The following EDDM13 variants were observed in gnomAD, a reference collection of about 807,000 sequenced individuals.
EDDM13 encodes the protein epididymal protein 13.
In EDDM13, 24 loss-of-function variants were observed where a neutral mutation model predicts 17.8. That is an observed-to-expected ratio of 1.35 (90% CI 0.98 to 1.90). The LOEUF is 1.90. Among genes scored for constraint, EDDM13 ranks in the 40% most tolerant of loss-of-function variants. The pLI is 0.00. For missense variants in EDDM13, 97 were observed against 100.8 expected (o/e 0.96, Z 0.16); for synonymous variants, 31 against 37.5 (o/e 0.83, Z 0.63).
intron 5 of EDDM13, among the ~76,000 whole-genome samples, 196 bp downstream of exon 5, chr19:56,284,402 TGG>T (rs1194234561): frequency 6.6e-6 from 1 of 152,044 alleles, no homozygotes; most frequent in East Asian, 1.9e-4. Context: ...GCTTGGGTGA[TGG>T]GAGCCCAGAA....
At chr19:56,276,171 G>C (rs140000620) in intron 2 of EDDM13, among the ~76,000 whole-genome samples, 62 bp downstream of exon 2, 1 of 152,212 alleles carries the variant, frequency 6.6e-6, no homozygotes, top group Middle Eastern at 3.4e-3. Flanking sequence ...AATTCTTTTC[G>C]ATCTTGCAAC....
chr19:56,296,456 T>A (rs1010309201), intron 11 of EDDM13, 94 bp downstream of exon 11: 4 of 152,056 alleles, frequency 2.6e-5, no homozygotes, highest in Non-Finnish European at 4.4e-5. Flanking sequence ...TTAAATATCA[T>A]CAGACCCTAC....
At position 56,288,451 on chromosome 19, in the gene EDDM13, C is replaced by G. The variant is rs1219960203; in HGVS notation, c.208+13C>G. 6.6e-6 allele frequency among the ~76,000 whole-genome samples: 1 copy of G among 152,220 alleles called. No individual in the cohort carries two copies. Among genetic ancestry groups the G allele is most frequent in the African/African-American group, 2.4e-5 (1 of 41,446 alleles). On this transcript the variant is annotated intron_variant, in intron 7 of 14. Coordinates refer to ENST00000649256, the MANE Select transcript of EDDM13 (RefSeq NM_001354658.2). ...GTGTCCCCGCAAGGTTAGCAACCAT[C>G]ACCCCCTTATAGGTTCCCATGGAAC...
At chr19:56,285,881 G>C (rs1420159230) in intron 6 of EDDM13, among the ~76,000 whole-genome samples, 1 of 152,128 alleles carries the variant, frequency 6.6e-6, no homozygotes, top group Non-Finnish European at 1.5e-5. Context: ...TATCTGTTAA[G>C]TTCCTAAAAG....
intron 12 of EDDM13, among the ~76,000 whole-genome samples, chr19:56,299,666 C>T (rs531676987): frequency 6.6e-6 from 1 of 152,340 alleles, no homozygotes; most frequent in East Asian, 1.9e-4. Context: ...AACCTATGAA[C>T]AGCCTCCTGC....
Position 56,304,779 on chromosome 19 carries a change from T to G in EDDM13, c.424-14T>G. On this transcript the variant is annotated splice_polypyrimidine_tract_variant and intron_variant, in intron 13 of 14. Coordinates refer to ENST00000649256, the MANE Select transcript of EDDM13 (RefSeq NM_001354658.2). ...GTTTCTTTCTCTGTTCCCAGTTCACTTTTTCCTCCCAAGTGTTACTGCCAC... is the reference window on the plus strand; with the variant it reads ...GTTTCTTTCTCTGTTCCCAGTTCACGTTTTCCTCCCAAGTGTTACTGCCAC... 1.0e-6 allele frequency: 1 copy of G among 985,200 alleles called. No individual in the cohort carries two copies. Among genetic ancestry groups the G allele is most frequent in the Non-Finnish European group, 1.2e-6 (1 of 829,714 alleles). The allele number at this position is 985,200 out of a possible 1,614,324, so 61.0% of individuals were successfully genotyped here. A position where few individuals can be genotyped will look rare whatever the true frequency, so the allele number is the denominator to read the frequency against.
chr19:56,284,569 C>T (rs998298150), intron 5 of EDDM13, among the ~76,000 whole-genome samples: 1 of 138,992 alleles, frequency 7.2e-6, no homozygotes, highest in East Asian at 2.1e-4. Flanking sequence ...GGCTGGAGTG[C>T]AGTGGCACAA....
intron 2 of EDDM13, among the ~76,000 whole-genome samples, chr19:56,277,236 T>C (rs1202280524): frequency 6.6e-6 from 1 of 152,158 alleles, no homozygotes. Context: ...CATGCACAAA[T>C]GTTCACAGCA....
At chr19:56,302,761 T>TAA (rs2040430000) in intron 13 of EDDM13, 1 of 334,988 alleles carries the variant, frequency 3.0e-6, no homozygotes, top group Non-Finnish European at 5.4e-6. Context: ...CCTTCTGCAC[T>TAA]AACACAGCCC....
At chr19:56,289,269 G>T (rs1047612492) in intron 8 of EDDM13, among the ~76,000 whole-genome samples, 6 of 152,178 alleles carry the variant, frequency 3.9e-5, no homozygotes, top group African/African-American at 1.4e-4. Flanking sequence ...CTCACTAAGT[G>T]TAAGCTATGT....
intron 13 of EDDM13, among the ~76,000 whole-genome samples, chr19:56,302,581 CCCTTT>C (rs2040381803): frequency 2.2e-4 from 9 of 40,012 alleles, no homozygotes; most frequent in Non-Finnish European, 3.3e-4. Flanking sequence ...TTCTTCCTCC[CCCTTT>C]TCTTCCTCTC....
chr19:56,301,828 G>C (rs898702486), intron 12 of EDDM13, 140 bp from the exon 13 acceptor site: 2 of 958,172 alleles, frequency 2.1e-6, no homozygotes, highest in Admixed American at 4.3e-5. Flanking sequence ...CAGTGATGGT[G>C]GGTGTGGACC....
intron 4 of EDDM13, chr19:56,283,106 G>A (rs1357858364): frequency 6.6e-6 from 1 of 152,168 alleles, no homozygotes; most frequent in Non-Finnish European, 1.5e-5. Flanking sequence ...TCACCTCTCT[G>A]TGCCTACTTT....
At chr19:56,287,986 G>A (rs1303564743) in intron 6 of EDDM13, among the ~76,000 whole-genome samples, 1 of 152,210 alleles carries the variant, frequency 6.6e-6, no homozygotes. Flanking sequence ...GGCAGACCAG[G>A]AGCGTGGGTC....
intron 12 of EDDM13, among the ~76,000 whole-genome samples, chr19:56,300,995 T>C (rs781159998): frequency 1.3e-5 from 2 of 151,786 alleles, no homozygotes; most frequent in Non-Finnish European, 2.9e-5. Flanking sequence ...AAGGATGGCG[T>C]AGTGGGCAGA....
intron 9 of EDDM13, among the ~76,000 whole-genome samples, chr19:56,292,285 C>G (rs988933878): frequency 6.6e-6 from 1 of 152,054 alleles, no homozygotes; most frequent in Non-Finnish European, 1.5e-5. Flanking sequence ...ACCATTGTAA[C>G]TTGTTTTCAT....
chr19:56,292,253 A>C (rs772625795), intron 9 of EDDM13, among the ~76,000 whole-genome samples: 1 of 152,158 alleles, frequency 6.6e-6, no homozygotes, highest in Non-Finnish European at 1.5e-5. Context: ...AATTGTAGTA[A>C]AATATACAAA....
intron 8 of EDDM13, among the ~76,000 whole-genome samples, chr19:56,290,234 A>G (rs997960653): frequency 3.3e-5 from 5 of 152,234 alleles, no homozygotes; most frequent in African/African-American, 7.2e-5. Context: ...AACTACTGAG[A>G]TAAAGTAGGA....
chr19:56,289,382 C>T (rs904384385), intron 8 of EDDM13, among the ~76,000 whole-genome samples: 1 of 151,886 alleles, frequency 6.6e-6, no homozygotes, highest in Non-Finnish European at 1.5e-5. Flanking sequence ...GGGGCCAGGC[C>T]CTTTACAGAG....
Sources: allele counts gnomAD v4.1 joint callset (sites outside exome capture counted in the v4.1 genomes callset), GRCh38; gene constraint gnomAD v4.1.1; transcripts MANE v1.5; gene names NCBI Gene and HGNC (gene_info 2026-07-23, HGNC 2026-07-21).